TTBK1: variants seen among roughly 807,000 people sequenced by gnomAD.
TTBK1 encodes tau tubulin kinase 1, also known as tau-tubulin kinase 1.
In TTBK1, 34 loss-of-function variants were observed where a neutral mutation model predicts 108.5. The ratio of observed to expected loss-of-function variants is 0.31; its 90% CI spans 0.24 to 0.42. The LOEUF is 0.42. TTBK1 is among the 10% of genes least tolerant of loss of function. The pLI, the probability that TTBK1 is intolerant of heterozygous loss-of-function variation, is 1.00. For synonymous variants in TTBK1, 809 were observed against 795.1 expected, an observed-to-expected ratio of 1.02 and a Z score of -0.29; for missense variants, 1,539 against 1,826.0, an observed-to-expected ratio of 0.84 and a Z score of 2.86.
In TTBK1 at chr6:43,285,170, C is replaced by T. The variant is rs984881714; in HGVS notation, c.3760C>T (p.Leu1254=). Residue 1254 remains leucine, a synonymous_variant, in exon 15 of 15, where the codon CTG becomes TTG. Transcript: ENST00000259750. The surrounding 1 kb of genome is among the most constrained non-coding windows in gnomAD (Gnocchi z 4.7). Reference sequence around the variant, plus strand: ...CAGCGCGTCCCCCCGGAGCCAGTCCCTGTCCCGCAGAGAGAGCCCCTCCCC... The same window carrying T: ...CAGCGCGTCCCCCCGGAGCCAGTCCTTGTCCCGCAGAGAGAGCCCCTCCCC... ...NASASPRSQS[L]SRRESPSPSH... is the part of the protein sequence containing the mutation. The T allele has an allele frequency of 5.3e-5, 74 of 1,400,330 alleles. No individual in the cohort carries two copies. Among genetic ancestry groups the T allele is most frequent in the Non-Finnish European group, 6.8e-5 (74 of 1,085,342 alleles). 86.7% of individuals were successfully genotyped at this position (1,400,330 alleles called of 1,614,324 possible).
At chr6:43,258,021 G>A in intron 10 of TTBK1, 55 bp downstream of exon 10, 1 of 1,575,886 alleles carries the variant, frequency 6.3e-7, no homozygotes, top group Admixed American at 1.7e-5. Flanking sequence ...TACCTAAGAG[G>A]GCAGGCGGTC....
At chr6:43,270,730 C>T in intron 13 of TTBK1, 2 of 985,286 alleles carry the variant, frequency 2.0e-6, no homozygotes, top group Non-Finnish European at 2.4e-6. Flanking sequence ...ATGAGAGGGG[C>T]CTGGGATCCA....
At position 43,283,459 on chromosome 6, in the gene TTBK1, G is replaced by C. The variant is rs781782398; in HGVS notation, c.2719G>C (p.Gly907Arg). 6.2e-7 allele frequency: 1 copy of C among 1,613,974 alleles called. No homozygotes were observed. Among genetic ancestry groups the C allele is most frequent in the Non-Finnish European group, 8.5e-7 (1 of 1,179,946 alleles). ...GGGGCCTGGGGCAGGGCTGGGGGCCGGGACAGTGACCACAGGGGTCGGGGG... is the reference window on the plus strand; with the variant it reads ...GGGGCCTGGGGCAGGGCTGGGGGCCCGGACAGTGACCACAGGGGTCGGGGG... ...PPGPGAGLGA[G>R]TVTTGVGGVA... The change falls in exon 14 of 15, where the codon GGG becomes CGG. Residue 907 changes from glycine to arginine, a missense_variant. Gly to Arg is a moderately radical substitution (Grantham distance 125). Coordinates refer to ENST00000259750, the MANE Select transcript of TTBK1 (RefSeq NM_032538.3). The surrounding 1 kb of genome is among the most constrained non-coding windows in gnomAD (Gnocchi z 8.1).
Position 43,287,660 on chromosome 6 carries a change from T to A in TTBK1, c.*2284T>A, listed in dbSNP as rs1286599108. 6.6e-6 allele frequency: 1 copy of A among 152,170 alleles called. No individual in the cohort carries two copies. Among genetic ancestry groups the A allele is most frequent in the Non-Finnish European group, 1.5e-5 (1 of 68,100 alleles). 9.4% of individuals were successfully genotyped at this position (152,170 alleles called of 1,614,324 possible). A position where few individuals can be genotyped will look rare whatever the true frequency, so the allele number is the denominator to read the frequency against. On this transcript the variant is annotated 3_prime_UTR_variant, in exon 15 of 15. Coordinates refer to ENST00000259750, the MANE Select transcript of TTBK1 (RefSeq NM_032538.3). The surrounding 1 kb of genome is among the most constrained non-coding windows in gnomAD (Gnocchi z 4.1). ...GGAGGGGGTCACCTAGGGGACTGCC[T>A]CTGTGCCTCTCCCCAGGAAGCATCC... is the stretch of plus-strand genomic sequence containing the variant.
chr6:43,254,517 C>G (rs778170064), intron 5 of TTBK1, 30 bp from the exon 6 acceptor site: 1 of 1,521,686 alleles, frequency 6.6e-7, no homozygotes, highest in Non-Finnish European at 8.8e-7. Flanking sequence ...GGTTGGGGCC[C>G]CCAGAGCTCA....
At chr6:43,246,004 C>T (rs1777076467) in intron 1 of TTBK1, among the ~76,000 whole-genome samples, 1 of 152,228 alleles carries the variant, frequency 6.6e-6, no homozygotes, top group Non-Finnish European at 1.5e-5. Context: ...GTGGGTTCAG[C>T]TCACCCTGAG....
rs1292279258 is a variant in TTBK1, at chr6:43,263,408, A to C, written c.1986+58A>C. ...CCAGATGCCCAGAGTCCTGGTGTGT[A>C]GGCCTGGGGTGCTCCATGTGTGCTG... On this transcript the variant is annotated intron_variant, in intron 13 of 14. Transcript: ENST00000259750. This position sits in a 1 kb window ranked among gnomAD's most constrained non-coding sequence, Gnocchi z 4.7. 7.0e-6 allele frequency: 10 copies of C among 1,418,786 alleles called. No individual in the cohort carries two copies. The highest frequency in any genetic ancestry group is 9.3e-6 in the Non-Finnish European group (10 of 1,076,270). 87.9% of individuals were successfully genotyped at this position (1,418,786 alleles called of 1,614,324 possible).
Position 43,273,689 on chromosome 6 carries a change from T to G in TTBK1, c.1987-9038T>G, listed in dbSNP as rs910081860. Among the ~76,000 whole-genome samples the G allele has an allele frequency of 2.0e-4, 31 of 152,214 alleles. No homozygotes were observed. Among genetic ancestry groups the G allele is most frequent in the African/African-American group, 7.2e-4 (30 of 41,456 alleles). Reference sequence around the variant, plus strand: ...CAGGGACTGTGGTAAACAGGGGAACTCCCATGCCCATACCATCCTCAGCTC... The same window carrying G: ...CAGGGACTGTGGTAAACAGGGGAACGCCCATGCCCATACCATCCTCAGCTC... On this transcript the variant is annotated intron_variant, in intron 13 of 14. Coordinates refer to ENST00000259750, the MANE Select transcript of TTBK1 (RefSeq NM_032538.3). This position sits in a 1 kb window ranked among gnomAD's most constrained non-coding sequence, Gnocchi z 4.2.
At position 43,284,332 on chromosome 6, in the gene TTBK1, C is replaced by T; in HGVS notation, c.3572+20C>T. The T allele has an allele frequency of 6.5e-7, 1 of 1,536,922 alleles. No individual in the cohort carries two copies. Among genetic ancestry groups the T allele is most frequent in the Non-Finnish European group, 8.7e-7 (1 of 1,143,706 alleles). Reference sequence around the variant, plus strand: ...CAGCAGGTGAGAAACCGCTGCCAGCCCCAGGGTGGGCAGAGGGTGGCCACA... The same window carrying T: ...CAGCAGGTGAGAAACCGCTGCCAGCTCCAGGGTGGGCAGAGGGTGGCCACA... On this transcript the variant is annotated intron_variant, in intron 14 of 14. Coordinates refer to ENST00000259750, the MANE Select transcript of TTBK1 (RefSeq NM_032538.3).
Position 43,285,151 on chromosome 6 carries a change from G to A in TTBK1, c.3741G>A (p.Ala1247=). The A allele has an allele frequency of 7.0e-7, 1 of 1,428,024 alleles. No individual in the cohort carries two copies. Among genetic ancestry groups the A allele is most frequent in the South Asian group, 1.5e-5 (1 of 67,232 alleles). The allele number at this position is 1,428,024 out of a possible 1,614,324, so 88.5% of individuals were successfully genotyped here. The change falls in exon 15 of 15, where the codon GCG becomes GCA. Residue 1247 remains alanine (A), a synonymous_variant. Transcript: ENST00000259750. The surrounding 1 kb of genome is among the most constrained non-coding windows in gnomAD (Gnocchi z 4.7). ...ASTSAARNAS[A]SPRSQSLSRR... is the part of the protein sequence containing the mutation. ...CATCCGCCGCGCGCAATGCCAGCGC[G>A]TCCCCCCGGAGCCAGTCCCTGTCCC...
At chr6:43,258,013 C>T (rs780639763) in intron 10 of TTBK1, 47 bp downstream of exon 10, 4 of 1,589,272 alleles carry the variant, frequency 2.5e-6, no homozygotes, top group East Asian at 2.3e-5. Context: ...GGAGCTGTTA[C>T]CTAAGAGGGC....
Position 43,269,719 on chromosome 6 carries a change from C to G in TTBK1, c.1986+6369C>G. The G allele has an allele frequency of 6.2e-7, 1 of 1,610,204 alleles. No individual in the cohort carries two copies. Among genetic ancestry groups the G allele is most frequent in the Non-Finnish European group, 8.5e-7 (1 of 1,179,578 alleles). ...CGACGACTGGCGTCCTCCGTGTTCT[C>G]CTCCTCCACGCTGGAGACGGAGCAT... On this transcript the variant is annotated intron_variant, in intron 13 of 14. Transcript: ENST00000259750. The surrounding 1 kb of genome is among the most constrained non-coding windows in gnomAD (Gnocchi z 4.8).
rs370812640 is a variant in TTBK1 at position 43,263,246 on chromosome 6, G to A, written c.1882G>A (p.Glu628Lys). Reference protein sequence around the residue: ...PQLSQGDGRSETSQPPTPGSP... With the variant: ...PQLSQGDGRSKTSQPPTPGSP... ...GCTGAGCCAGGGCGATGGCCGTTCC[G>A]AGACGTCACAGCCCCCCACGCCTGG... Residue 628 changes from glutamate to lysine, a missense_variant, in exon 13 of 15, where the codon GAG becomes AAG. Transcript: ENST00000259750. This position sits in a 1 kb window ranked among gnomAD's most constrained non-coding sequence, Gnocchi z 4.7. 2.1e-5 allele frequency: 33 copies of A among 1,560,766 alleles called. No homozygotes were observed. The highest frequency in any genetic ancestry group is 3.6e-5 in the South Asian group (3 of 84,356).
chr6:43,285,249 G>T lies in TTBK1; in HGVS notation c.3839G>T (p.Arg1280Leu). The change falls in exon 15 of 15, where the codon CGG becomes CTG. Residue 1280 changes from arginine (R) to leucine (L), a missense_variant. By Grantham distance (102) the Arg-to-Leu change is moderately radical. Around this residue, in one of 5 missense-constraint regions of TTBK1, gnomAD observed 1,055 missense variants for 1,086.5 expected, o/e 0.97. Transcript: ENST00000259750. This position sits in a 1 kb window ranked among gnomAD's most constrained non-coding sequence, Gnocchi z 4.7. ...CCGCCCCGGGGCGTCCCGCCGGCCC[G>T]GGCCCAGCCTGATGGCACCCCCTCC... is the stretch of plus-strand genomic sequence containing the variant. ...VPPPRGVPPA[R>L]AQPDGTPSPG... 7.7e-7 allele frequency: 1 copy of T among 1,295,172 alleles called. No individual in the cohort carries two copies. 80.2% of individuals were successfully genotyped at this position (1,295,172 alleles called of 1,614,324 possible).
chr6:43,256,408 C>G (rs1361970737), intron 9 of TTBK1, among the ~76,000 whole-genome samples: 2 of 150,016 alleles, frequency 1.3e-5, no homozygotes. Context: ...GCCGGGATTA[C>G]AGGTGTGAGC....
intron 2 of TTBK1, among the ~76,000 whole-genome samples, chr6:43,252,180 C>CTGTGTG (rs1434705668): frequency 7.9e-6 from 1 of 126,476 alleles, no homozygotes; most frequent in African/African-American, 3.4e-5. Flanking sequence ...TGACATCTGG[C>CTGTGTG]TCTGTGTGTG....
rs1777768552 is a variant in TTBK1, at chr6:43,269,540, C to T, written c.1986+6190C>T. The T allele has an allele frequency of 1.5e-6, 2 of 1,324,994 alleles. No homozygotes were observed. Among genetic ancestry groups the T allele is most frequent in the South Asian group, 1.6e-5 (1 of 63,518 alleles). 82.1% of individuals were successfully genotyped at this position (1,324,994 alleles called of 1,614,324 possible). On this transcript the variant is annotated intron_variant, in intron 13 of 14. Coordinates refer to ENST00000259750, the MANE Select transcript of TTBK1 (RefSeq NM_032538.3). The surrounding 1 kb of genome is among the most constrained non-coding windows in gnomAD (Gnocchi z 4.8). ...CCTGACCCCGCCCACTTGCCCGGGA[C>T]GCCGGCGCCGCAGGGGCTGTGAGCG...
At chr6:43,275,963 C>G (rs1777976653) in intron 13 of TTBK1, among the ~76,000 whole-genome samples, 1 of 152,040 alleles carries the variant, frequency 6.6e-6, no homozygotes, top group Non-Finnish European at 1.5e-5. Context: ...CCCCTGCCCC[C>G]GGAGAAGCGG....
At chr6:43,275,883 G>A (rs1258830487) in intron 13 of TTBK1, among the ~76,000 whole-genome samples, 1 of 152,102 alleles carries the variant, frequency 6.6e-6, no homozygotes, top group African/African-American at 2.4e-5. Context: ...GCTCGGAGGG[G>A]CTTCCGTGGG....
Sources: allele counts gnomAD v4.1 joint callset (sites outside exome capture counted in the v4.1 genomes callset), GRCh38; gene constraint gnomAD v4.1.1; regional missense constraint gnomAD v4.1.1; non-coding constraint Gnocchi (gnomAD v3.1); transcripts MANE v1.5; gene names NCBI Gene and HGNC (gene_info 2026-07-23, HGNC 2026-07-21).